The following NPAS3 variants were observed in gnomAD, a reference collection of about 807,000 sequenced individuals.
NPAS3 encodes the protein neuronal PAS domain protein 3, also known as neuronal PAS domain-containing protein 3.
Under a neutral mutation model 73.1 loss-of-function variants are expected in NPAS3, and 14 were observed. That is an observed-to-expected ratio of 0.19 (90% CI 0.13 to 0.30). NPAS3 has a LOEUF of 0.30. Among genes scored for constraint, NPAS3 ranks in the 10% least tolerant of loss-of-function variants. The pLI is 1.00. For synonymous variants in NPAS3, 620 were observed against 541.5 expected, an observed-to-expected ratio of 1.14 and a Z score of -2.01; for missense variants, 1,096 against 1,250.0, an observed-to-expected ratio of 0.88 and a Z score of 1.86.
At position 33,741,945 on chromosome 14, in the gene NPAS3, A is replaced by G. The variant is rs569211442; in HGVS notation, c.852+6613A>G. The stretch of plus-strand genomic sequence containing the variant: ...TGATCACTTTGAAAATGACACACAT[A>G]TGTATATGTATGTACATATACATAC... On this transcript the variant is annotated intron_variant, in intron 7 of 11. Transcript: ENST00000356141. 9.9e-5 allele frequency among the ~76,000 whole-genome samples: 15 copies of G among 152,254 alleles called. No homozygotes were observed. The East Asian group carries it at 2.9e-3, about 29-fold the overall frequency.
chr14:33,052,816 G>A (rs911251585), intron 1 of NPAS3, among the ~76,000 whole-genome samples: 3 of 151,854 alleles, frequency 2.0e-5, no homozygotes, highest in African/African-American at 7.3e-5. Flanking sequence ...TTGCTTTTGT[G>A]ATTTTCAAGC....
intron 3 of NPAS3, among the ~76,000 whole-genome samples, chr14:33,319,053 G>A (rs1483693639): frequency 6.6e-6 from 1 of 152,060 alleles, no homozygotes; most frequent in Non-Finnish European, 1.5e-5. Flanking sequence ...CTGAGATTGT[G>A]TGACAGCATT....
chr14:33,049,319 G>T (rs2040620687), intron 1 of NPAS3, among the ~76,000 whole-genome samples: 1 of 152,156 alleles, frequency 6.6e-6, no homozygotes, highest in African/African-American at 2.4e-5. Flanking sequence ...GAGAGCCAAT[G>T]CTCCCTATCC....
chr14:33,419,634 A>G (rs536957822), intron 4 of NPAS3, among the ~76,000 whole-genome samples: 1 of 151,956 alleles, frequency 6.6e-6, no homozygotes, highest in Non-Finnish European at 1.5e-5. Flanking sequence ...ATCTTTTCAG[A>G]TAGGAAAATA....
intron 4 of NPAS3, among the ~76,000 whole-genome samples, chr14:33,480,370 G>C (rs1566938952): frequency 6.6e-6 from 1 of 152,092 alleles, no homozygotes. Flanking sequence ...CTGCTATCAT[G>C]GCCTTTAGGC....
Position 33,232,499 on chromosome 14 carries a change from A to G in NPAS3, c.385+17073A>G, listed in dbSNP as rs189203356. ...CGCAGTGTTAAGTAGTGTCAGGTTT[A>G]TAATCTCCCAATATCTTTAGTTCTT... On this transcript the variant is annotated intron_variant, in intron 3 of 11. Transcript: ENST00000356141. 2.0e-5 allele frequency among the ~76,000 whole-genome samples: 3 copies of G among 152,298 alleles called. No homozygotes were observed. In the East Asian group the frequency reaches 5.8e-4, roughly 29 times the overall value.
intron 1 of NPAS3, among the ~76,000 whole-genome samples, chr14:32,942,575 A>G (rs952734554): frequency 1.3e-5 from 2 of 152,216 alleles, no homozygotes; most frequent in African/African-American, 2.4e-5. Flanking sequence ...TTTTTCTACT[A>G]TGTGGATGTA....
intron 6 of NPAS3, among the ~76,000 whole-genome samples, chr14:33,711,632 G>C (rs2060821598): frequency 6.6e-6 from 1 of 152,162 alleles, no homozygotes; most frequent in African/African-American, 2.4e-5. Context: ...CCTAGATATG[G>C]TCCCAAAGGA....
intron 2 of NPAS3, among the ~76,000 whole-genome samples, chr14:33,084,102 G>T (rs546390498): frequency 5.3e-5 from 8 of 152,142 alleles, no homozygotes; most frequent in Non-Finnish European, 8.8e-5. Flanking sequence ...GGGGTCTTTG[G>T]TGTAATCACA....
intron 7 of NPAS3, among the ~76,000 whole-genome samples, chr14:33,753,497 A>G (rs1323518834): frequency 6.6e-6 from 1 of 152,142 alleles, no homozygotes; most frequent in Non-Finnish European, 1.5e-5. Context: ...TGGCCAGTTC[A>G]GATTGATTCT....
chr14:33,751,677 C>G (rs568168140), intron 7 of NPAS3, among the ~76,000 whole-genome samples: 82 of 152,292 alleles, frequency 5.4e-4, no homozygotes, highest in African/African-American at 1.9e-3. Context: ...AAACCCCTGA[C>G]CTTTCAAGAT....
At chr14:33,158,146 G>A (rs543974967) in intron 2 of NPAS3, among the ~76,000 whole-genome samples, 2 of 152,332 alleles carry the variant, frequency 1.3e-5, no homozygotes, top group Admixed American at 6.5e-5. Flanking sequence ...GTTGAGCAGT[G>A]GTAGTCCGTT....
intron 1 of NPAS3, among the ~76,000 whole-genome samples, chr14:32,981,467 A>G (rs2037894091): frequency 6.6e-6 from 1 of 152,214 alleles, no homozygotes; most frequent in South Asian, 2.1e-4. Context: ...ATTATTTTTT[A>G]ACAAGCTACG....
At chr14:33,291,549 G>C (rs183478229) in intron 3 of NPAS3, among the ~76,000 whole-genome samples, 5 of 152,338 alleles carry the variant, frequency 3.3e-5, no homozygotes, top group Admixed American at 3.3e-4. Context: ...GTAATAGAAA[G>C]AGGTGAGGAA....
At chr14:33,760,566 C>T (rs1200601760) in intron 7 of NPAS3, among the ~76,000 whole-genome samples, 2 of 152,166 alleles carry the variant, frequency 1.3e-5, no homozygotes, top group East Asian at 1.9e-4. Context: ...GTAGTTCATA[C>T]ATCTGTCATT....
At chr14:33,686,017 C>T (rs2060079128) in intron 6 of NPAS3, among the ~76,000 whole-genome samples, 1 of 152,170 alleles carries the variant, frequency 6.6e-6, no homozygotes, top group African/African-American at 2.4e-5. Context: ...ACATAGTCGA[C>T]AACTAGAGAA....
intron 4 of NPAS3, among the ~76,000 whole-genome samples, chr14:33,503,858 G>T (rs2052633288): frequency 6.6e-6 from 1 of 151,892 alleles, no homozygotes; most frequent in Non-Finnish European, 1.5e-5. Flanking sequence ...AATTTATTTA[G>T]TGTACAAGGA....
intron 5 of NPAS3, among the ~76,000 whole-genome samples, chr14:33,575,520 T>C (rs188308983): frequency 1.1e-4 from 17 of 152,286 alleles, no homozygotes; most frequent in Admixed American, 1.1e-3. Flanking sequence ...CCACATTCCT[T>C]TTCTGCCTCA....
chr14:33,300,613 C>T (rs1016784243), intron 3 of NPAS3, among the ~76,000 whole-genome samples: 2 of 152,166 alleles, frequency 1.3e-5, no homozygotes, highest in Non-Finnish European at 2.9e-5. Flanking sequence ...GTGGGCAGAG[C>T]TGGAGTTCTC....
Sources: gnomAD v4.1 joint callset for allele counts (sites outside exome capture counted in the v4.1 genomes callset) on GRCh38, gnomAD v4.1.1 for gene constraint, MANE v1.5 for transcripts, NCBI Gene and HGNC (gene_info 2026-07-23, HGNC 2026-07-21) for gene names.